Variants in NDST4 observed in about 807,000 individuals in gnomAD.
NDST4 encodes the protein N-heparan sulfate sulfotransferase 4.
In NDST4, 63 loss-of-function variants were observed where a neutral mutation model predicts 100.8. The ratio of observed to expected loss-of-function variants is 0.62; its 90% CI spans 0.51 to 0.77. The LOEUF (loss-of-function observed/expected upper bound fraction) is 0.77. Ranked by LOEUF, NDST4 falls within the 30% of genes least tolerant of loss-of-function variation. The pLI is 0.00. For missense variants in NDST4, 943 were observed against 1,018.4 expected (o/e 0.93, Z 1.01); for synonymous variants, 377 against 361.8 (o/e 1.04, Z -0.48).
chr4:114,830,239 CTTTA>C (rs1028792662), intron 12 of NDST4, among the ~76,000 whole-genome samples: 22 of 152,152 alleles, frequency 1.4e-4, no homozygotes, highest in African/African-American at 5.3e-4. Context: ...CTTTAGGATA[CTTTA>C]TTTACTTATG....
intron 2 of NDST4, among the ~76,000 whole-genome samples, chr4:115,034,293 C>T (rs1231692063): frequency 2.6e-5 from 4 of 152,042 alleles, no homozygotes; most frequent in African/African-American, 9.7e-5. Context: ...CCCCCATCTG[C>T]CCTGCTAGCC....
At position 114,851,419 on chromosome 4, in the gene NDST4, T is replaced by C. The variant is rs73848488; in HGVS notation, c.1816+1306A>G. 9.8e-3 allele frequency among the ~76,000 whole-genome samples: 1,492 copies of C among 152,322 alleles called. 20 individuals carry two copies. The highest frequency in any genetic ancestry group is 0.034 in the African/African-American group (1,393 of 41,566). ...TTGTCTTAGGAAAGCCAAAACCAGC[T>C]AAATGCTTTATCATTTCCATACTGG... On this transcript the variant is annotated intron_variant, in intron 8 of 13. Coordinates refer to ENST00000264363, the MANE Select transcript of NDST4 (RefSeq NM_022569.3).
At chr4:115,083,689 A>T (rs550518079) in intron 1 of NDST4, among the ~76,000 whole-genome samples, 43 of 152,112 alleles carry the variant, frequency 2.8e-4, no homozygotes, top group African/African-American at 9.2e-4. Flanking sequence ...CGTGGTGGTT[A>T]TCTCCATGCT....
At chr4:114,976,730 C>T (rs1726642093) in intron 3 of NDST4, among the ~76,000 whole-genome samples, 1 of 151,874 alleles carries the variant, frequency 6.6e-6, no homozygotes, top group Admixed American at 6.6e-5. Flanking sequence ...AGTTTAGAGT[C>T]TATTACATTT....
At chr4:115,069,675 C>T (rs1219354763) in intron 2 of NDST4, among the ~76,000 whole-genome samples, 1 of 152,096 alleles carries the variant, frequency 6.6e-6, no homozygotes, top group Admixed American at 6.5e-5. Context: ...GAGGGCAGAT[C>T]ACTTGAAGTC....
intron 7 of NDST4, among the ~76,000 whole-genome samples, chr4:114,870,028 C>G (rs1030436833): frequency 2.2e-4 from 33 of 152,166 alleles, no homozygotes; most frequent in Non-Finnish European, 3.8e-4. Context: ...AGGGGACTAT[C>G]TGATCTGCTC....
chr4:115,036,418 T>C (rs1362511888), intron 2 of NDST4, among the ~76,000 whole-genome samples: 1 of 150,986 alleles, frequency 6.6e-6, no homozygotes, highest in Non-Finnish European at 1.5e-5. Flanking sequence ...TAAGTATGTG[T>C]GTGCATATAT....
intron 6 of NDST4, among the ~76,000 whole-genome samples, chr4:114,927,863 A>T (rs562337295): frequency 2.6e-4 from 39 of 152,292 alleles, no homozygotes; most frequent in African/African-American, 9.4e-4. Context: ...AACACTACTG[A>T]TCACCTCTTC....
intron 6 of NDST4, among the ~76,000 whole-genome samples, chr4:114,882,688 C>T (rs1168073900): frequency 6.6e-6 from 1 of 151,836 alleles, no homozygotes; most frequent in Non-Finnish European, 1.5e-5. Context: ...GAGAGTGGTG[C>T]AGAAGAAAAT....
At chr4:115,089,110 C>T (rs991650578) in intron 1 of NDST4, among the ~76,000 whole-genome samples, 4 of 152,008 alleles carry the variant, frequency 2.6e-5, no homozygotes, top group African/African-American at 7.2e-5. Flanking sequence ...ATATATTCAC[C>T]TTCTTTCTCT....
At chr4:115,111,859 T>C (rs1175389766) in intron 1 of NDST4, among the ~76,000 whole-genome samples, 7 of 151,930 alleles carry the variant, frequency 4.6e-5, no homozygotes, top group Non-Finnish European at 7.4e-5. Context: ...TGTCTATCAA[T>C]GTAAACATTG....
chr4:115,079,675 T>C (rs1490830790), intron 1 of NDST4, among the ~76,000 whole-genome samples: 1 of 152,202 alleles, frequency 6.6e-6, no homozygotes, highest in African/African-American at 2.4e-5. Flanking sequence ...TGCTTTTTAA[T>C]GAGTGGTATG....
chr4:114,855,958 A>G (rs1265079508), intron 7 of NDST4, among the ~76,000 whole-genome samples: 1 of 152,088 alleles, frequency 6.6e-6, no homozygotes, highest in African/African-American at 2.4e-5. Context: ...TTTGCATTTC[A>G]TAGTTAATAA....
chr4:114,901,624 A>T lies in NDST4; in HGVS notation c.1537-30674T>A, dbSNP rs1390981714. Among the ~76,000 whole-genome samples, 3 of 151,932 alleles carry T rather than the reference A, an allele frequency of 2.0e-5. No individual in the cohort carries two copies. The East Asian group carries it at 5.8e-4, about 29-fold the overall frequency. On this transcript the variant is annotated intron_variant, in intron 6 of 13. Coordinates refer to ENST00000264363, the MANE Select transcript of NDST4 (RefSeq NM_022569.3). ...CTACTTGATGTACTTAGACTATTGA[A>T]ATTTAATGTGATCACTGATATAGCC...
At position 115,064,306 on chromosome 4, in the gene NDST4, A is replaced by G. The variant is rs77407709; in HGVS notation, c.978+11753T>C. On this transcript the variant is annotated intron_variant, in intron 2 of 13. Transcript: ENST00000264363. ...CGTCCTCAAGAAAATAAACACATAA[A>G]ACTAAATAAAATTGTTTCAATCGAT... 8.3e-3 allele frequency among the ~76,000 whole-genome samples: 1,264 copies of G among 152,164 alleles called. 5 individuals are homozygous for G. The highest frequency in any genetic ancestry group is 0.014 in the Non-Finnish European group (968 of 67,926).
intron 7 of NDST4, among the ~76,000 whole-genome samples, chr4:114,860,839 T>C (rs1249106352): frequency 6.6e-6 from 1 of 152,334 alleles, no homozygotes; most frequent in East Asian, 1.9e-4. Context: ...TGTGAATCAA[T>C]GCATTGCTTG....
intron 2 of NDST4, among the ~76,000 whole-genome samples, chr4:114,986,830 A>ATATATATATATATT (rs1553959396): frequency 1.1e-5 from 1 of 91,962 alleles, no homozygotes; most frequent in African/African-American, 4.3e-5. Context: ...ATATATATAT[A>ATATATATATATATT]TATTTTAATA....
chr4:115,055,712 A>G (rs1194214155), intron 2 of NDST4, among the ~76,000 whole-genome samples: 1 of 152,144 alleles, frequency 6.6e-6, no homozygotes, highest in Non-Finnish European at 1.5e-5. Context: ...GCAAAGTAAT[A>G]CTTGACTCTG....
intron 4 of NDST4, among the ~76,000 whole-genome samples, chr4:114,965,313 A>C (rs1344729884): frequency 2.6e-5 from 4 of 151,966 alleles, no homozygotes; most frequent in Non-Finnish European, 4.4e-5. Context: ...ATATTACTTT[A>C]TTTCTTTTTA....
Sources: gnomAD v4.1 joint callset for allele counts (sites outside exome capture counted in the v4.1 genomes callset) on GRCh38, gnomAD v4.1.1 for gene constraint, MANE v1.5 for transcripts, NCBI Gene and HGNC (gene_info 2026-07-23, HGNC 2026-07-21) for gene names.